SHROOM3: variants seen among roughly 807,000 people sequenced by gnomAD.
The protein encoded by SHROOM3 is shroom family member 3.
Under a neutral mutation model 138.6 loss-of-function variants are expected in SHROOM3, and 47 were observed. The observed-to-expected ratio is 0.34, with a 90% confidence interval of 0.27 to 0.43. The LOEUF is 0.43. Ranked by LOEUF, SHROOM3 falls within the 20% of genes least tolerant of loss-of-function variation. The pLI is 1.00. For missense variants in SHROOM3, 2,491 were observed against 2,596.5 expected, an observed-to-expected ratio of 0.96 and a Z score of 0.88; for synonymous variants, 1,062 against 1,063.3, an observed-to-expected ratio of 1.00 and a Z score of 0.02.
chr4:76,616,068 G>T (rs553957145), intron 2 of SHROOM3, among the ~76,000 whole-genome samples: 8 of 152,278 alleles, frequency 5.3e-5, no homozygotes, highest in African/African-American at 1.9e-4. Context: ...GGAAGCAGAA[G>T]TCAGTTTGAC....
chr4:76,560,232 G>C (rs905094116), intron 2 of SHROOM3, among the ~76,000 whole-genome samples: 6 of 152,138 alleles, frequency 3.9e-5, no homozygotes, highest in African/African-American at 1.4e-4. Flanking sequence ...AACTGACAAA[G>C]GAAAGGGTCT....
intron 1 of SHROOM3, among the ~76,000 whole-genome samples, chr4:76,507,486 ATAGT>A (rs544358704): frequency 2.0e-5 from 3 of 150,572 alleles, no homozygotes; most frequent in East Asian, 1.9e-4. Context: ...CACTTATTTA[ATAGT>A]TAAAGATATT....
chr4:76,637,090 C>T (rs945724855), intron 2 of SHROOM3, among the ~76,000 whole-genome samples: 5 of 152,240 alleles, frequency 3.3e-5, no homozygotes, highest in East Asian at 1.9e-4. Flanking sequence ...TTTTAAGAAC[C>T]TACCAATGAC....
intron 2 of SHROOM3, among the ~76,000 whole-genome samples, chr4:76,615,595 T>C (rs1160112506): frequency 6.6e-6 from 1 of 152,180 alleles, no homozygotes; most frequent in Non-Finnish European, 1.5e-5. Context: ...AACCCATCAC[T>C]GTAGTCATGT....
At chr4:76,738,625 A>C (rs1219110063) in intron 4 of SHROOM3, 136 bp from the exon 5 acceptor site, 23 of 985,130 alleles carry the variant, frequency 2.3e-5, no homozygotes, top group Non-Finnish European at 1.9e-5. Context: ...GCAAGGCCCA[A>C]ATATGGCCCT....
chr4:76,738,041 TG>T lies in SHROOM3; in HGVS notation c.588-718del, dbSNP rs1197873339. On this transcript the variant is annotated intron_variant, in intron 4 of 10. Coordinates refer to ENST00000296043, the MANE Select transcript of SHROOM3 (RefSeq NM_020859.4). Reference sequence around the variant, plus strand: ...TATGAGGAGGCTTTGCTTTGGCTTTTGGAAGTCATCCACAGGTGTTGGAATC... The same window carrying T: ...TATGAGGAGGCTTTGCTTTGGCTTTTGAAGTCATCCACAGGTGTTGGAATC... Among the ~76,000 whole-genome samples the T allele has an allele frequency of 5.9e-5, 9 of 152,306 alleles. No individual in the cohort carries two copies. The South Asian group carries it at 1.9e-3, about 32-fold the overall frequency.
chr4:76,596,627 C>T (rs1734395091), intron 2 of SHROOM3, among the ~76,000 whole-genome samples: 1 of 150,820 alleles, frequency 6.6e-6, no homozygotes, highest in African/African-American at 2.4e-5. Context: ...CACACACACT[C>T]TCCAACAGAT....
At chr4:76,556,117 G>T (rs1429943418) in intron 2 of SHROOM3, among the ~76,000 whole-genome samples, 1 of 152,150 alleles carries the variant, frequency 6.6e-6, no homozygotes, top group African/African-American at 2.4e-5. Flanking sequence ...ACTAGAGAAA[G>T]AAATTGGCTT....
chr4:76,713,217 C>G (rs576074272), intron 3 of SHROOM3, among the ~76,000 whole-genome samples: 1 of 152,212 alleles, frequency 6.6e-6, no homozygotes, highest in East Asian at 1.9e-4. Flanking sequence ...AACTTTTAAA[C>G]TTTTAAAAAT....
intron 1 of SHROOM3, among the ~76,000 whole-genome samples, chr4:76,492,578 A>G (rs1731875506): frequency 6.6e-6 from 1 of 152,192 alleles, no homozygotes; most frequent in African/African-American, 2.4e-5. Flanking sequence ...GTTTATGATA[A>G]ATTCTCATGA....
At chr4:76,598,074 G>A (rs1259779601) in intron 2 of SHROOM3, among the ~76,000 whole-genome samples, 1 of 150,078 alleles carries the variant, frequency 6.7e-6, no homozygotes, top group African/African-American at 2.4e-5. Context: ...TGCCCAGGCT[G>A]GGGTGCAGTG....
chr4:76,521,189 A>G (rs1732556170), intron 1 of SHROOM3, among the ~76,000 whole-genome samples: 1 of 152,184 alleles, frequency 6.6e-6, no homozygotes, highest in Non-Finnish European at 1.5e-5. Context: ...AAAAACACTG[A>G]CGTGATTAAA....
chr4:76,443,764 C>T (rs1730746751), intron 1 of SHROOM3, among the ~76,000 whole-genome samples: 1 of 152,162 alleles, frequency 6.6e-6, no homozygotes, highest in African/African-American at 2.4e-5. Flanking sequence ...TTCTTTTCTG[C>T]CTTCAGAGGA....
chr4:76,548,341 G>C (rs116624334), intron 1 of SHROOM3, among the ~76,000 whole-genome samples: 142 of 152,218 alleles, frequency 9.3e-4, no homozygotes, highest in African/African-American at 3.3e-3. Context: ...TGATGAGGAG[G>C]GTCACAGGGA....
intron 10 of SHROOM3, among the ~76,000 whole-genome samples, chr4:76,772,103 C>CTTTTTTTTTTTTTTTT (rs35590411): frequency 8.0e-6 from 1 of 125,140 alleles, no homozygotes; most frequent in Non-Finnish European, 1.7e-5. Context: ...TTTTCTTTTT[C>CTTTTTTTTTTTTTTTT]TTTTTTTTTT....
At chr4:76,685,407 G>A (rs1377195760) in intron 2 of SHROOM3, among the ~76,000 whole-genome samples, 3 of 152,048 alleles carry the variant, frequency 2.0e-5, no homozygotes, top group African/African-American at 4.8e-5. Context: ...ATCCCATAAT[G>A]TTTTAAGAAA....
At chr4:76,517,672 G>A (rs978800205) in intron 1 of SHROOM3, among the ~76,000 whole-genome samples, 2 of 151,868 alleles carry the variant, frequency 1.3e-5, no homozygotes, top group African/African-American at 4.8e-5. Context: ...GTCAGTGGCT[G>A]ATTATTTGAA....
intron 1 of SHROOM3, among the ~76,000 whole-genome samples, chr4:76,542,823 G>A (rs999786449): frequency 2.0e-5 from 3 of 152,246 alleles, no homozygotes; most frequent in African/African-American, 7.2e-5. Context: ...TAATACAGTG[G>A]TAAAGCTGAA....
chr4:76,677,481 A>C (rs1719071235), intron 2 of SHROOM3, among the ~76,000 whole-genome samples: 1 of 152,368 alleles, frequency 6.6e-6, no homozygotes, highest in South Asian at 2.1e-4. Flanking sequence ...TGTAAAAATT[A>C]GAAAGAAAGT....
Sources: allele counts gnomAD v4.1 joint callset (sites outside exome capture counted in the v4.1 genomes callset), GRCh38; gene constraint gnomAD v4.1.1; transcripts MANE v1.5; gene names NCBI Gene and HGNC (gene_info 2026-07-23, HGNC 2026-07-21).